The following GLS variants were observed in gnomAD, a reference collection of about 807,000 sequenced individuals.
The protein encoded by GLS is glutaminase kidney isoform, mitochondrial.
In GLS, 36 loss-of-function variants were observed where a neutral mutation model predicts 86.7. The ratio of observed to expected loss-of-function variants is 0.42; its 90% CI spans 0.32 to 0.55. GLS has a LOEUF of 0.55. Ranked by LOEUF, GLS falls within the 20% of genes least tolerant of loss-of-function variation. The probability of loss-of-function intolerance (pLI) is 0.17; values close to 1 mark genes in which losing one functional copy is unlikely to be tolerated. For synonymous variants in GLS, 317 were observed against 305.9 expected (o/e 1.04, Z -0.38); for missense variants, 528 against 833.4 (o/e 0.63, Z 4.51).
rs1052540816 is a variant in GLS at position 190,913,038 on chromosome 2, T to C, written c.1038+2717T>C. ...TTTAATTGATGACCTTAAGGCTATTTGTGATTTTTTTTTTTCTTTCAAAAT... is the reference window on the plus strand; with the variant it reads ...TTTAATTGATGACCTTAAGGCTATTCGTGATTTTTTTTTTTCTTTCAAAAT... On this transcript the variant is annotated intron_variant, in intron 7 of 17. Transcript: ENST00000320717. This position sits in a 1 kb window ranked among gnomAD's most constrained non-coding sequence, Gnocchi z 6.1. Among the ~76,000 whole-genome samples the C allele has an allele frequency of 2.5e-5, 1 of 39,844 alleles. No individual in the cohort carries two copies. The highest frequency in any genetic ancestry group is 5.7e-5 in the Non-Finnish European group (1 of 17,442). 26.1% of individuals were successfully genotyped at this position (39,844 alleles called of 152,430 possible).
At chr2:190,881,551 G>A (rs1574551022) in intron 1 of GLS, 81 bp downstream of exon 1, 5 of 1,300,566 alleles carry the variant, frequency 3.8e-6, no homozygotes, top group South Asian at 2.7e-5. Flanking sequence ...GCGGTGGGGC[G>A]GGATAGGAGC....
intron 12 of GLS, among the ~76,000 whole-genome samples, chr2:190,929,101 C>T (rs1690012035): frequency 6.6e-6 from 1 of 151,224 alleles, no homozygotes; most frequent in Non-Finnish European, 1.5e-5. Flanking sequence ...TTCTCCTATC[C>T]AGAGGTACTG....
chr2:190,905,240 C>T lies in GLS; in HGVS notation c.979+73C>T, dbSNP rs1412626718. 1.0e-5 allele frequency: 9 copies of T among 888,444 alleles called. No individual in the cohort carries two copies. Among genetic ancestry groups the T allele is most frequent in the Non-Finnish European group, 1.4e-5 (8 of 578,078 alleles). 55.0% of individuals were successfully genotyped at this position (888,444 alleles called of 1,614,324 possible). A position where few individuals can be genotyped will look rare whatever the true frequency, so the allele number is the denominator to read the frequency against. ...CTATGTAAATCTAAGTCGTTTTAAA[C>T]ATTTTTTGATTAAAATTAAAAGTAT... On this transcript the variant is annotated intron_variant, in intron 6 of 17. Coordinates refer to ENST00000320717, the MANE Select transcript of GLS (RefSeq NM_014905.5). This position sits in a 1 kb window ranked among gnomAD's most constrained non-coding sequence, Gnocchi z 4.6.
rs1258971376 is a variant in GLS, at chr2:190,954,319, G to A, written c.1713-265G>A. 2.6e-5 allele frequency among the ~76,000 whole-genome samples: 4 copies of A among 151,968 alleles called. No individual in the cohort carries two copies. The highest frequency in any genetic ancestry group is 4.8e-5 in the African/African-American group (2 of 41,360). ...AGTTGTGCCATAATTCTTAAGTTGCGAACAATAATGTAATAAAGTTTAATT... is the reference window on the plus strand; with the variant it reads ...AGTTGTGCCATAATTCTTAAGTTGCAAACAATAATGTAATAAAGTTTAATT... On this transcript the variant is annotated intron_variant, in intron 15 of 17. Coordinates refer to ENST00000320717, the MANE Select transcript of GLS (RefSeq NM_014905.5). This position sits in a 1 kb window ranked among gnomAD's most constrained non-coding sequence, Gnocchi z 4.0.
Position 190,895,135 on chromosome 2 carries a change from TC to T in GLS, c.387-16del. On this transcript the variant is annotated splice_polypyrimidine_tract_variant and intron_variant, in intron 1 of 17. Transcript: ENST00000320717. The surrounding 1 kb of genome is among the most constrained non-coding windows in gnomAD (Gnocchi z 4.2). ...GTTCATACAAGGATTAATTTTGTGT[TC>T]TTTCTACCTCTTTAGTAAAATAAAA... 1.8e-6 allele frequency: 2 copies of T among 1,092,058 alleles called. No individual in the cohort carries two copies. The highest frequency in any genetic ancestry group is 2.8e-6 in the Non-Finnish European group (2 of 722,906). 67.6% of individuals were successfully genotyped at this position (1,092,058 alleles called of 1,614,324 possible).
At chr2:190,936,373 A>G (rs1367120262) in intron 14 of GLS, among the ~76,000 whole-genome samples, 3 of 151,158 alleles carry the variant, frequency 2.0e-5, no homozygotes. Context: ...GCATACATAT[A>G]TATGATTTCC....
chr2:190,938,469 T>C lies in GLS; in HGVS notation c.1650+6832T>C, dbSNP rs1453227302. The stretch of plus-strand genomic sequence containing the variant: ...TTTTTAAAACATAGTCCAACCTTTC[T>C]AGAATTTTGATGTACTTTTATTTAC... On this transcript the variant is annotated intron_variant, in intron 14 of 17. Transcript: ENST00000320717. This position sits in a 1 kb window ranked among gnomAD's most constrained non-coding sequence, Gnocchi z 4.1. Among the ~76,000 whole-genome samples the C allele has an allele frequency of 6.6e-6, 1 of 151,670 alleles. No homozygotes were observed. Among genetic ancestry groups the C allele is most frequent in the Non-Finnish European group, 1.5e-5 (1 of 67,600 alleles).
intron 5 of GLS, among the ~76,000 whole-genome samples, chr2:190,903,937 T>C (rs1689042333): frequency 6.6e-6 from 1 of 152,226 alleles, no homozygotes; most frequent in Admixed American, 6.5e-5. Context: ...TATCAGTAAG[T>C]AAATCAAAGA....
At chr2:190,939,012 A>AAGTAAAACGATTTTAAATAAAT (rs1690351056) in intron 14 of GLS, among the ~76,000 whole-genome samples, 1 of 151,734 alleles carries the variant, frequency 6.6e-6, no homozygotes, top group South Asian at 2.1e-4. Flanking sequence ...TTAAATATAT[A>AAGTAAAACGATTTTAAATAAAT]AGTAAAACGA....
At chr2:190,932,302 A>G (rs948367840) in intron 14 of GLS, among the ~76,000 whole-genome samples, 6 of 151,838 alleles carry the variant, frequency 4.0e-5, no homozygotes, top group Non-Finnish European at 7.4e-5. Context: ...TTTTTGGTCT[A>G]TATAGTTTTT....
In GLS at chr2:190,924,671, C is replaced by T; in HGVS notation, c.1248+78C>T. 8 of 789,672 alleles carry T rather than the reference C, an allele frequency of 1.0e-5. No homozygotes were observed. Among genetic ancestry groups the T allele is most frequent in the Non-Finnish European group, 1.8e-5 (8 of 443,456 alleles). The allele number at this position is 789,672 out of a possible 1,614,324, so 48.9% of individuals were successfully genotyped here. A position where few individuals can be genotyped will look rare whatever the true frequency, so the allele number is the denominator to read the frequency against. ...GTGGCTCACGCCTGTAATCCCAGCACTTTGGGAGGCCAGGGCAGGTGGATC... is the reference window on the plus strand; with the variant it reads ...GTGGCTCACGCCTGTAATCCCAGCATTTTGGGAGGCCAGGGCAGGTGGATC... On this transcript the variant is annotated intron_variant, in intron 11 of 17. Transcript: ENST00000320717. The surrounding 1 kb of genome is among the most constrained non-coding windows in gnomAD (Gnocchi z 5.2).
At chr2:190,916,715 A>G (rs922986921) in intron 7 of GLS, among the ~76,000 whole-genome samples, 5 of 152,198 alleles carry the variant, frequency 3.3e-5, no homozygotes, top group African/African-American at 1.2e-4. Flanking sequence ...CAATACAGGC[A>G]TACCTCAGAG....
At position 190,962,889 on chromosome 2, in the gene GLS, T is replaced by C. The variant is rs183331745; in HGVS notation, c.1913T>C (p.Ile638Thr). The change falls in exon 18 of 18, where the codon ATT becomes ACT. Residue 638 changes from isoleucine to threonine, a missense_variant. Physicochemically the swap from Ile to Thr is moderately conservative, Grantham distance 89. Coordinates refer to ENST00000320717, the MANE Select transcript of GLS (RefSeq NM_014905.5). The surrounding 1 kb of genome is among the most constrained non-coding windows in gnomAD (Gnocchi z 4.2). Reference protein sequence around the residue: ...LHFGHHDVFKILQEYQVQYTP... With the variant: ...LHFGHHDVFKTLQEYQVQYTP... Reference sequence around the variant, plus strand: ...TTTGGACACCATGATGTATTTAAAATTCTCCAAGAATACCAAGTCCAGTAC... The same window carrying C: ...TTTGGACACCATGATGTATTTAAAACTCTCCAAGAATACCAAGTCCAGTAC... 2.5e-5 allele frequency: 40 copies of C among 1,599,636 alleles called. 1 individual carries two copies. In the Admixed American group the frequency reaches 6.5e-4, roughly 26 times the overall value.
At chr2:190,893,386 G>A (rs1404646853) in intron 1 of GLS, among the ~76,000 whole-genome samples, 2 of 152,154 alleles carry the variant, frequency 1.3e-5, no homozygotes, top group Admixed American at 1.3e-4. Flanking sequence ...GGGGACAGAG[G>A]TAGTCATTTT....
In GLS at chr2:190,955,810, C is replaced by T. The variant is rs1490969127; in HGVS notation, c.1853+992C>T. ...CATCTATTGTTTCCTTTTTAGTGAT[C>T]GCCATTCTAACTGGTGTGAGATGGT... On this transcript the variant is annotated intron_variant, in intron 17 of 17. Transcript: ENST00000320717. This position sits in a 1 kb window ranked among gnomAD's most constrained non-coding sequence, Gnocchi z 5.6. 6.6e-6 allele frequency among the ~76,000 whole-genome samples: 1 copy of T among 152,014 alleles called. No homozygotes were observed. The highest frequency in any genetic ancestry group is 6.6e-5 in the Admixed American group (1 of 15,250).
chr2:190,881,662 C>A (rs910409417), intron 1 of GLS, 192 bp downstream of exon 1: 1 of 545,358 alleles, frequency 1.8e-6, no homozygotes, highest in East Asian at 3.6e-5. Context: ...CGCCCGCAAC[C>A]CTCCGCCAGG....
rs1315728952 is a variant in GLS at position 190,921,255 on chromosome 2, G to A, written c.1130+52G>A. The A allele has an allele frequency of 8.8e-7, 1 of 1,133,262 alleles. No individual in the cohort carries two copies. The highest frequency in any genetic ancestry group is 2.4e-5 in the East Asian group (1 of 42,550). 70.2% of individuals were successfully genotyped at this position (1,133,262 alleles called of 1,614,324 possible). On this transcript the variant is annotated intron_variant, in intron 9 of 17. Transcript: ENST00000320717. The surrounding 1 kb of genome is among the most constrained non-coding windows in gnomAD (Gnocchi z 4.2). ...ACGTAAAAACACACAACTGTATTTA[G>A]AATTGATCCACTCTCTTTTCATTGG...
At chr2:190,931,858 G>T (rs1255306709) in intron 14 of GLS, among the ~76,000 whole-genome samples, 1 of 151,816 alleles carries the variant, frequency 6.6e-6, no homozygotes, top group African/African-American at 2.4e-5. Context: ...TTTAAATATT[G>T]CTGTTTTGTT....
At chr2:190,950,271 G>C (rs572523633) in intron 14 of GLS, among the ~76,000 whole-genome samples, 29 of 152,232 alleles carry the variant, frequency 1.9e-4, no homozygotes, top group African/African-American at 6.7e-4. Flanking sequence ...AGAGCCTTTA[G>C]GGTCCTGAAA....
Sources: allele counts gnomAD v4.1 joint callset (sites outside exome capture counted in the v4.1 genomes callset), GRCh38; gene constraint gnomAD v4.1.1; non-coding constraint Gnocchi (gnomAD v3.1); transcripts MANE v1.5; gene names NCBI Gene and HGNC (gene_info 2026-07-23, HGNC 2026-07-21).